The following CDC34 variants were observed in gnomAD, a reference collection of about 807,000 sequenced individuals.
CDC34 encodes the protein cell division cycle 34, ubiquitin conjugating enzyme, also known as ubiquitin-conjugating enzyme E2 R1.
CDC34 carries 18 observed loss-of-function variants against 26.8 expected under a neutral mutation model. The observed-to-expected ratio is 0.67, with a 90% confidence interval of 0.47 to 1.00. CDC34 has a LOEUF of 1.00. Among genes scored for constraint, CDC34 ranks in the 50% least tolerant of loss-of-function variants. The pLI is 0.00. For synonymous variants in CDC34, 178 were observed against 147.5 expected (o/e 1.21, Z -1.50); for missense variants, 280 against 334.5 (o/e 0.84, Z 1.27).
intron 3 of CDC34, 149 bp downstream of exon 3, chr19:536,489 G>C (rs1049875989): frequency 1.1e-5 from 7 of 636,470 alleles, no homozygotes; most frequent in Non-Finnish European, 1.9e-5. Flanking sequence ...GCGGTCCTGG[G>C]CCTCGCTGTA....
rs1979502691 is a variant in CDC34, at chr19:531,881, GTGGTC to G, written c.-50_-46del. On this transcript the variant is annotated 5_prime_UTR_variant, in exon 1 of 5. Coordinates refer to ENST00000215574, the MANE Select transcript of CDC34 (RefSeq NM_004359.2). ...GCCCGGCCCGTCTCGCGAACTCGCGGTGGTCGCGCGGCCCCGCGCTGCTCCGACCC... is the reference window on the plus strand; with the variant it reads ...GCCCGGCCCGTCTCGCGAACTCGCGGGCGCGGCCCCGCGCTGCTCCGACCC... The G allele has an allele frequency of 1.6e-6, 2 of 1,217,028 alleles. No homozygotes were observed. Among genetic ancestry groups the G allele is most frequent in the Non-Finnish European group, 2.1e-6 (2 of 968,824 alleles). 75.4% of individuals were successfully genotyped at this position (1,217,028 alleles called of 1,614,324 possible).
intron 3 of CDC34, 77 bp from the exon 4 acceptor site, chr19:536,936 G>A (rs562734508): frequency 1.5e-5 from 23 of 1,570,884 alleles, no homozygotes; most frequent in African/African-American, 5.4e-5. Flanking sequence ...AGGCGTCCCC[G>A]TGACCCTCAG....
Position 532,227 on chromosome 19 carries a change from C to G in CDC34, c.177+119C>G, listed in dbSNP as rs533730436. 349 of 769,858 alleles carry G rather than the reference C, an allele frequency of 4.5e-4. 1 individual carries two copies. The African/African-American group carries it at 5.6e-3, about 12-fold the overall frequency. 47.7% of individuals were successfully genotyped at this position (769,858 alleles called of 1,614,324 possible). A position where few individuals can be genotyped will look rare whatever the true frequency, so the allele number is the denominator to read the frequency against. On this transcript the variant is annotated intron_variant, in intron 1 of 4. Transcript: ENST00000215574. ...CTGGGCGGGCCCCGAAGCCTCCTGGCTTGGGCTCGTTTCCCTTCTATGGCC... is the reference window on the plus strand; with the variant it reads ...CTGGGCGGGCCCCGAAGCCTCCTGGGTTGGGCTCGTTTCCCTTCTATGGCC...
chr19:536,671 G>C (rs922854853), intron 3 of CDC34: 1 of 535,280 alleles, frequency 1.9e-6, no homozygotes, highest in Non-Finnish European at 3.4e-6. Flanking sequence ...CTCGTGCCAC[G>C]TGTGCCGCCT....
chr19:532,788 C>T (rs188596409), intron 1 of CDC34, among the ~76,000 whole-genome samples: 4 of 152,332 alleles, frequency 2.6e-5, no homozygotes, highest in African/African-American at 9.6e-5. Context: ...CCTGCGCCCT[C>T]GGGAAGGCCG....
intron 4 of CDC34, chr19:539,158 G>A: frequency 7.8e-6 from 3 of 384,186 alleles, no homozygotes; most frequent in Non-Finnish European, 7.1e-6. Flanking sequence ...GCTGTGTCGG[G>A]CAGGCTGCCG....
chr19:538,582 GCCTC>G, intron 4 of CDC34: 1 of 403,484 alleles, frequency 2.5e-6, no homozygotes, highest in Non-Finnish European at 3.4e-6. Context: ...CCTCACAGAG[GCCTC>G]ACCTATTTTT....
intron 4 of CDC34, among the ~76,000 whole-genome samples, chr19:539,222 G>A (rs2288955): frequency 0.36 from 55,381 of 151,908 alleles, 12,352 homozygotes; most frequent in East Asian, 0.56. Flanking sequence ...CCTCCAGACC[G>A]TCCTCCAGCT....
chr19:535,018 T>C (rs1179002144), intron 1 of CDC34, among the ~76,000 whole-genome samples: 1 of 152,234 alleles, frequency 6.6e-6, no homozygotes, highest in Non-Finnish European at 1.5e-5. Flanking sequence ...TGTCTGGCAC[T>C]GGGGCCCAGC....
chr19:532,832 G>A (rs1332255574), intron 1 of CDC34, among the ~76,000 whole-genome samples: 2 of 152,142 alleles, frequency 1.3e-5, no homozygotes, highest in African/African-American at 4.8e-5. Context: ...GCTCCCTGCA[G>A]CTCTCTCCAG....
chr19:533,771 C>T (rs1463141075), intron 1 of CDC34, among the ~76,000 whole-genome samples: 1 of 152,230 alleles, frequency 6.6e-6, no homozygotes, highest in African/African-American at 2.4e-5. Context: ...CTCTAGACAT[C>T]TGCCACAGGG....
In CDC34 at chr19:531,842, C is replaced by G. The variant is rs1259177859; in HGVS notation, c.-90C>G. On this transcript the variant is annotated 5_prime_UTR_variant, in exon 1 of 5. Transcript: ENST00000215574. ...AGGCGGCGGCCCCGGTGGCTCCCCC[C>G]CGGACGGTGCGCGGCCCGGCCCGTC... is the stretch of plus-strand genomic sequence containing the variant. The G allele has an allele frequency of 3.6e-6, 3 of 824,210 alleles. No individual in the cohort carries two copies. The highest frequency in any genetic ancestry group is 5.2e-5 in the East Asian group (1 of 19,144). 51.1% of individuals were successfully genotyped at this position (824,210 alleles called of 1,614,324 possible).
At chr19:537,194 C>T (rs751346098) in intron 4 of CDC34, 47 bp downstream of exon 4, 1 of 1,602,178 alleles carries the variant, frequency 6.2e-7, no homozygotes, top group African/African-American at 1.3e-5. Context: ...CAGATCCGGC[C>T]TGCACCCCGG....
rs1326102590 is a variant in CDC34 at position 541,601 on chromosome 19, T to G, written c.*49T>G. 2.0e-6 allele frequency: 3 copies of G among 1,511,522 alleles called. No individual in the cohort carries two copies. Among genetic ancestry groups the G allele is most frequent in the Non-Finnish European group, 2.7e-6 (3 of 1,128,192 alleles). The allele number at this position is 1,511,522 out of a possible 1,614,324, so 93.6% of individuals were successfully genotyped here. A position where few individuals can be genotyped will look rare whatever the true frequency, so the allele number is the denominator to read the frequency against. ...GTTTACCTCACTAGGGCCGGACCCG[T>G]GGCTCCTTAGACGACAGACTACCTC... On this transcript the variant is annotated 3_prime_UTR_variant, in exon 5 of 5. Transcript: ENST00000215574.
At position 532,044 on chromosome 19, in the gene CDC34, T is replaced by A; in HGVS notation, c.113T>A (p.Leu38Gln). The A allele has an allele frequency of 6.6e-7, 1 of 1,521,084 alleles. No individual in the cohort carries two copies. 94.2% of individuals were successfully genotyped at this position (1,521,084 alleles called of 1,614,324 possible). ...GTGACACTGGTGGACGAGGGCGATCTATACAACTGGGAGGTGGCCATCTTC... is the reference window on the plus strand; with the variant it reads ...GTGACACTGGTGGACGAGGGCGATCAATACAACTGGGAGGTGGCCATCTTC... ...FRVTLVDEGD[L>Q]YNWEVAIFGP... is the part of the protein sequence containing the mutation. The change falls in exon 1 of 5, where the codon CTA becomes CAA. Residue 38 changes from leucine to glutamine, a missense_variant. Leu to Gln is a moderately radical substitution (Grantham distance 113, BLOSUM62 -2). Transcript: ENST00000215574.
intron 3 of CDC34, 159 bp from the exon 4 acceptor site, chr19:536,854 C>G (rs1269588930): frequency 1.3e-6 from 1 of 753,682 alleles, no homozygotes; most frequent in East Asian, 2.6e-5. Flanking sequence ...GGTCCAGCCC[C>G]TGCTGTTCTG....
chr19:532,637 G>C (rs1050452719), intron 1 of CDC34, among the ~76,000 whole-genome samples: 6 of 152,232 alleles, frequency 3.9e-5, no homozygotes, highest in Admixed American at 2.0e-4. Flanking sequence ...GGCCAGCCTG[G>C]GGGTGGCTGG....
intron 1 of CDC34, among the ~76,000 whole-genome samples, chr19:533,791 A>G (rs775180959): frequency 6.6e-6 from 1 of 152,212 alleles, no homozygotes; most frequent in Non-Finnish European, 1.5e-5. Flanking sequence ...GTCAGTCCTC[A>G]GAAGCCAGTG....
chr19:541,233 A>C, intron 4 of CDC34, 106 bp from the exon 5 acceptor site: 1 of 1,393,552 alleles, frequency 7.2e-7, no homozygotes, highest in Non-Finnish European at 9.4e-7. Context: ...CGCCGTTTTA[A>C]GAGAAACCTG....
Sources: allele counts gnomAD v4.1 joint callset (sites outside exome capture counted in the v4.1 genomes callset), GRCh38; gene constraint gnomAD v4.1.1; transcripts MANE v1.5; gene names NCBI Gene and HGNC (gene_info 2026-07-23, HGNC 2026-07-21).